Variants in THSD7B observed in about 807,000 individuals in gnomAD.
The protein encoded by THSD7B is thrombospondin type-1 domain-containing protein 7B.
In THSD7B, 138 loss-of-function variants were observed where a neutral mutation model predicts 213.6. The observed-to-expected ratio is 0.65, with a 90% CI of 0.56 to 0.74. The LOEUF is 0.74. Ranked by LOEUF, THSD7B falls within the 30% of genes least tolerant of loss-of-function variation. The probability of loss-of-function intolerance (pLI) is 0.00; values close to 1 mark genes in which losing one functional copy is unlikely to be tolerated. For missense variants in THSD7B, 1,931 were observed against 1,991.5 expected (o/e 0.97, Z 0.58); for synonymous variants, 742 against 687.0 (o/e 1.08, Z -1.25).
At chr2:137,365,954 TG>T (rs1382240987) in intron 12 of THSD7B, among the ~76,000 whole-genome samples, 1 of 152,164 alleles carries the variant, frequency 6.6e-6, no homozygotes, top group Admixed American at 6.6e-5. Flanking sequence ...ATGTTTATTG[TG>T]GCACCATTCA....
rs760186206 is a variant in THSD7B at position 136,995,634 on chromosome 2, A to G, written c.140-60786A>G. Among the ~76,000 whole-genome samples the G allele has an allele frequency of 3.3e-5, 5 of 152,116 alleles. 1 individual carries two copies. Among genetic ancestry groups the G allele is most frequent in the African/African-American group, 4.8e-5 (2 of 41,432 alleles). ...GATGTGAATCAATATCAAAGGTGTA[A>G]TAATTCCCTTATTTGGACAAAGAAG... On this transcript the variant is annotated intron_variant, in intron 2 of 27. Coordinates refer to ENST00000409968, the MANE Select transcript of THSD7B (RefSeq NM_001316349.2).
chr2:137,076,814 T>A (rs748017136), intron 3 of THSD7B, among the ~76,000 whole-genome samples: 16 of 152,268 alleles, frequency 1.1e-4, no homozygotes, highest in Admixed American at 3.3e-4. Flanking sequence ...ATATTGTTTA[T>A]TTGTTTTTTT....
chr2:137,126,140 G>C (rs1185849828), intron 5 of THSD7B, among the ~76,000 whole-genome samples: 1 of 152,124 alleles, frequency 6.6e-6, no homozygotes, highest in Non-Finnish European at 1.5e-5. Flanking sequence ...TCAACTTAAA[G>C]TCACCAGCTG....
At chr2:137,546,633 TG>T (rs1400147348) in intron 15 of THSD7B, among the ~76,000 whole-genome samples, 1 of 145,986 alleles carries the variant, frequency 6.8e-6, no homozygotes, top group African/African-American at 2.5e-5. Flanking sequence ...ACAGAAAATA[TG>T]GTTTTCTGGA....
chr2:137,094,209 G>A (rs1393656221), intron 3 of THSD7B, among the ~76,000 whole-genome samples: 1 of 152,192 alleles, frequency 6.6e-6, no homozygotes, highest in Non-Finnish European at 1.5e-5. Context: ...TCTGTGAAGT[G>A]CAGCACAGTT....
At chr2:137,228,889 G>A (rs968176768) in intron 7 of THSD7B, among the ~76,000 whole-genome samples, 4 of 152,140 alleles carry the variant, frequency 2.6e-5, no homozygotes, top group Non-Finnish European at 5.9e-5. Context: ...CTTGGACATA[G>A]TATTTACTCA....
chr2:137,672,280 C>T (rs945681024), intron 27 of THSD7B, among the ~76,000 whole-genome samples: 7 of 152,016 alleles, frequency 4.6e-5, no homozygotes, highest in Non-Finnish European at 8.8e-5. Context: ...GTAATTGATC[C>T]GTAGTGAAAT....
chr2:136,876,431 T>C (rs1175306049), intron 1 of THSD7B, among the ~76,000 whole-genome samples: 6 of 152,242 alleles, frequency 3.9e-5, no homozygotes, highest in African/African-American at 1.4e-4. Flanking sequence ...CAGACTAAAA[T>C]CTTTGTATCA....
chr2:137,110,328 C>T (rs945809251), intron 4 of THSD7B, among the ~76,000 whole-genome samples: 6 of 152,180 alleles, frequency 3.9e-5, no homozygotes, highest in African/African-American at 1.4e-4. Flanking sequence ...GTAAGTGATT[C>T]ACTTACTGTT....
At chr2:136,856,167 C>A (rs139861379) in intron 1 of THSD7B, among the ~76,000 whole-genome samples, 22 of 152,272 alleles carry the variant, frequency 1.4e-4, no homozygotes, top group Non-Finnish European at 2.9e-4. Context: ...CTTGGACAGT[C>A]ACTGGCATAT....
intron 15 of THSD7B, among the ~76,000 whole-genome samples, chr2:137,513,143 A>T (rs1165322881): frequency 6.6e-6 from 1 of 152,202 alleles, no homozygotes; most frequent in African/African-American, 2.4e-5. Context: ...CGTATTTGTC[A>T]CTTTTTTAAA....
intron 2 of THSD7B, among the ~76,000 whole-genome samples, chr2:136,951,048 T>A (rs573531081): frequency 6.6e-6 from 1 of 152,098 alleles, no homozygotes; most frequent in South Asian, 2.1e-4. Context: ...GCTTCCACCA[T>A]TGATTTGGTT....
rs181202444 is a variant in THSD7B, at chr2:137,355,358, C to G, written c.2501-50255C>G. Among the ~76,000 whole-genome samples the G allele has an allele frequency of 3.5e-3, 526 of 152,142 alleles. 3 individuals carry two copies. Among genetic ancestry groups the G allele is most frequent in the African/African-American group, 0.012 (493 of 41,510 alleles). On this transcript the variant is annotated intron_variant, in intron 12 of 27. Coordinates refer to ENST00000409968, the MANE Select transcript of THSD7B (RefSeq NM_001316349.2). Reference sequence around the variant, plus strand: ...AAAATAAGTGATATCATATGGCTGACATTTATTTTTACAGGAAATAAATGA... The same window carrying G: ...AAAATAAGTGATATCATATGGCTGAGATTTATTTTTACAGGAAATAAATGA...
chr2:137,114,756 G>A lies in THSD7B; in HGVS notation c.1200-368G>A, dbSNP rs142947917. 5.1e-3 allele frequency among the ~76,000 whole-genome samples: 771 copies of A among 152,294 alleles called. 9 individuals carry two copies. The highest frequency in any genetic ancestry group is 0.018 in the African/African-American group (737 of 41,564). ...AACTTTCACACAAAGTCATCTGAAA[G>A]TCTGTGGAGTGAAATCCCATGACAA... On this transcript the variant is annotated intron_variant, in intron 4 of 27. Transcript: ENST00000409968.
At chr2:137,475,673 A>G (rs1189346534) in intron 15 of THSD7B, among the ~76,000 whole-genome samples, 1 of 152,146 alleles carries the variant, frequency 6.6e-6, no homozygotes, top group African/African-American at 2.4e-5. Context: ...TGGCTGAATA[A>G]CATATATGTA....
intron 14 of THSD7B, among the ~76,000 whole-genome samples, chr2:137,416,812 G>T (rs978289758): frequency 6.6e-6 from 1 of 152,150 alleles, no homozygotes; most frequent in South Asian, 2.1e-4. Flanking sequence ...TTTTGCCCTC[G>T]ATGTATAGTT....
intron 2 of THSD7B, among the ~76,000 whole-genome samples, chr2:136,981,173 T>C (rs191206109): frequency 1.5e-4 from 23 of 152,348 alleles, no homozygotes; most frequent in Admixed American, 1.3e-4. Context: ...ACTGATAAAT[T>C]AACTTGAGAT....
chr2:137,614,666 C>T (rs961239152), intron 17 of THSD7B, among the ~76,000 whole-genome samples: 1 of 152,062 alleles, frequency 6.6e-6, no homozygotes, highest in Non-Finnish European at 1.5e-5. Context: ...AGAATAATTG[C>T]TTGGTTTCAT....
rs1481972813 is a variant in THSD7B, at chr2:137,071,106, T to A, written c.950+13876T>A. ...AATGGAATGGCTGGGTCAAGTGGTA[T>A]TTCTAGTTCTAGATCCCTGAGGAAT... On this transcript the variant is annotated intron_variant, in intron 3 of 27. Coordinates refer to ENST00000409968, the MANE Select transcript of THSD7B (RefSeq NM_001316349.2). 3.3e-5 allele frequency among the ~76,000 whole-genome samples: 5 copies of A among 152,222 alleles called. No individual in the cohort carries two copies. In the South Asian group the frequency reaches 1.0e-3, roughly 32 times the overall value.
Sources: allele counts gnomAD v4.1 joint callset (sites outside exome capture counted in the v4.1 genomes callset), GRCh38; gene constraint gnomAD v4.1.1; transcripts MANE v1.5; gene names NCBI Gene and HGNC (gene_info 2026-07-23, HGNC 2026-07-21).